The following GBE1 variants were observed in gnomAD, a reference collection of about 807,000 sequenced individuals.
GBE1 encodes the protein 1,4-alpha-glucan-branching enzyme.
GBE1 carries 70 observed loss-of-function variants against 88.8 expected under a neutral mutation model. The observed-to-expected ratio is 0.79, with a 90% confidence interval of 0.65 to 0.96. The LOEUF (loss-of-function observed/expected upper bound fraction) is 0.96, where lower values mean the gene tolerates loss of function less well. Among genes scored for constraint, GBE1 ranks in the 40% least tolerant of loss-of-function variants. The pLI is 0.00. For synonymous variants in GBE1, 284 were observed against 300.1 expected (o/e 0.95, Z 0.56); for missense variants, 872 against 871.0 (o/e 1.00, Z -0.01).
chr3:81,635,112 C>T (rs1381541831), intron 7 of GBE1, among the ~76,000 whole-genome samples: 3 of 152,094 alleles, frequency 2.0e-5, no homozygotes, highest in Admixed American at 6.6e-5. Flanking sequence ...ACTGTAACTG[C>T]CCCCAAGTTT....
In GBE1 at chr3:81,642,873, C is replaced by A; in HGVS notation, c.900G>T (p.Leu300Phe). The A allele has an allele frequency of 6.2e-7, 1 of 1,612,764 alleles. No homozygotes were observed. The highest frequency in any genetic ancestry group is 1.1e-5 in the South Asian group (1 of 91,050). Reference protein sequence around the residue: ...SHASKNSADGLNMFDGTDSCY... With the variant: ...SHASKNSADGFNMFDGTDSCY... ...AGGAATCTGTCCCATCAAACATATT[C>A]AATCCATCTGCTGAATTTTTTGAAG... The change falls in exon 7 of 16, where the codon TTG becomes TTT. Residue 300 changes from leucine (L) to phenylalanine (F), a missense_variant. Transcript: ENST00000429644.
At chr3:81,738,700 A>C (rs1706308676) in intron 1 of GBE1, among the ~76,000 whole-genome samples, 1 of 152,142 alleles carries the variant, frequency 6.6e-6, no homozygotes, top group South Asian at 2.1e-4. Flanking sequence ...AATCACAATT[A>C]ATAATATTTA....
At chr3:81,761,222 G>A (rs1228283128) in intron 1 of GBE1, among the ~76,000 whole-genome samples, 153 bp downstream of exon 1, 1 of 152,256 alleles carries the variant, frequency 6.6e-6, no homozygotes, top group Non-Finnish European at 1.5e-5. Context: ...ACAGAACCCG[G>A]TTACCCGAGT....
intron 7 of GBE1, among the ~76,000 whole-genome samples, chr3:81,628,919 C>T (rs1354455799): frequency 1.3e-5 from 2 of 148,990 alleles, no homozygotes; most frequent in African/African-American, 2.5e-5. Context: ...AAAATAATTA[C>T]TTACATGTGT....
intron 1 of GBE1, among the ~76,000 whole-genome samples, chr3:81,708,766 G>A (rs1049419279): frequency 6.6e-6 from 1 of 151,938 alleles, no homozygotes; most frequent in African/African-American, 2.4e-5. Context: ...ACCCACTTTT[G>A]CAACAATGGG....
chr3:81,679,533 G>A (rs1705308527), intron 2 of GBE1, among the ~76,000 whole-genome samples: 1 of 152,146 alleles, frequency 6.6e-6, no homozygotes. Flanking sequence ...AGTTACATAT[G>A]GTCCTTGGGA....
intron 14 of GBE1, among the ~76,000 whole-genome samples, chr3:81,509,201 T>C (rs1702691690): frequency 6.6e-6 from 1 of 152,034 alleles, no homozygotes; most frequent in Non-Finnish European, 1.5e-5. Context: ...CTCACTAGAA[T>C]TTGCTATTTA....
chr3:81,711,997 G>A (rs1480506265), intron 1 of GBE1, among the ~76,000 whole-genome samples: 5 of 152,180 alleles, frequency 3.3e-5, no homozygotes, highest in South Asian at 2.1e-4. Flanking sequence ...CGAAGGATAT[G>A]AACAGATACT....
chr3:81,661,364 A>AT (rs2107097752), intron 3 of GBE1, among the ~76,000 whole-genome samples: 1 of 152,302 alleles, frequency 6.6e-6, no homozygotes, highest in Non-Finnish European at 1.5e-5. Context: ...GGACAGTATA[A>AT]TTTTTTAGAT....
At chr3:81,543,489 G>T (rs1429728958) in intron 12 of GBE1, among the ~76,000 whole-genome samples, 1 of 152,058 alleles carries the variant, frequency 6.6e-6, no homozygotes. Flanking sequence ...AAGTGACCTT[G>T]GGATAATAGT....
At chr3:81,699,687 T>G (rs371035101) in intron 2 of GBE1, among the ~76,000 whole-genome samples, 1 of 152,160 alleles carries the variant, frequency 6.6e-6, no homozygotes, top group Non-Finnish European at 1.5e-5. Flanking sequence ...CAAATTGTTC[T>G]CCTGCTTTAT....
At chr3:81,718,642 G>A (rs1263172545) in intron 1 of GBE1, among the ~76,000 whole-genome samples, 1 of 151,922 alleles carries the variant, frequency 6.6e-6, no homozygotes, top group Non-Finnish European at 1.5e-5. Context: ...GTTTTGTTTT[G>A]TTTTGTTTTT....
At chr3:81,637,566 T>C (rs1308395537) in intron 7 of GBE1, among the ~76,000 whole-genome samples, 5 of 152,196 alleles carry the variant, frequency 3.3e-5, no homozygotes, top group Non-Finnish European at 5.9e-5. Flanking sequence ...AATGTGGTTG[T>C]ACATATTTAT....
chr3:81,600,044 C>T (rs1172589147), intron 7 of GBE1, among the ~76,000 whole-genome samples: 2 of 152,082 alleles, frequency 1.3e-5, no homozygotes, highest in Non-Finnish European at 2.9e-5. Context: ...GAGGCCAAGG[C>T]GGGTGGATCA....
intron 1 of GBE1, among the ~76,000 whole-genome samples, chr3:81,728,623 A>G (rs2107200786): frequency 6.6e-6 from 1 of 152,236 alleles, no homozygotes; most frequent in South Asian, 2.1e-4. Context: ...TATTCTAATT[A>G]CTACTGGAAA....
At chr3:81,634,706 T>G (rs980115759) in intron 7 of GBE1, among the ~76,000 whole-genome samples, 2 of 152,114 alleles carry the variant, frequency 1.3e-5, no homozygotes, top group Non-Finnish European at 2.9e-5. Flanking sequence ...AACAACAAAT[T>G]ATTAACTTTC....
chr3:81,504,421 A>C (rs1251792268), intron 14 of GBE1, among the ~76,000 whole-genome samples: 1 of 152,170 alleles, frequency 6.6e-6, no homozygotes, highest in Non-Finnish European at 1.5e-5. Context: ...TCATTTTATT[A>C]GTAAATACAA....
At chr3:81,746,283 A>T (rs1276662805) in intron 1 of GBE1, among the ~76,000 whole-genome samples, 1 of 152,000 alleles carries the variant, frequency 6.6e-6, no homozygotes, top group African/African-American at 2.4e-5. Context: ...TTTTTTTCTG[A>T]GACAGGGTCT....
intron 1 of GBE1, among the ~76,000 whole-genome samples, chr3:81,750,653 A>ACG (rs1706509927): frequency 1.6e-5 from 1 of 62,054 alleles, no homozygotes. Context: ...ATGTATATAT[A>ACG]TATATGTATA....
Sources: gnomAD v4.1 joint callset for allele counts (sites outside exome capture counted in the v4.1 genomes callset) on GRCh38, gnomAD v4.1.1 for gene constraint, MANE v1.5 for transcripts, NCBI Gene and HGNC (gene_info 2026-07-23, HGNC 2026-07-21) for gene names.